Variants in ANK2 observed in about 807,000 individuals in gnomAD.
ANK2 encodes ankyrin 2.
ANK2 carries 83 observed loss-of-function variants against 360.5 expected under a neutral mutation model. That is an observed-to-expected ratio of 0.23 (90% CI 0.19 to 0.28). The LOEUF is 0.28. Ranked by LOEUF, ANK2 falls within the 10% of genes least tolerant of loss-of-function variation. ANK2 has a pLI of 1.00. For missense variants in ANK2, 4,201 were observed against 4,795.7 expected (o/e 0.88, Z 3.66); for synonymous variants, 1,740 against 1,759.5 (o/e 0.99, Z 0.28).
chr4:113,250,490 A>G (rs1224188079), intron 10 of ANK2, among the ~76,000 whole-genome samples: 3 of 152,200 alleles, frequency 2.0e-5, no homozygotes, highest in East Asian at 1.9e-4. Flanking sequence ...GCACTTTTCC[A>G]TATACATGAG....
intron 5 of ANK2, among the ~76,000 whole-genome samples, chr4:113,234,404 T>A (rs1036421519): frequency 2.0e-5 from 3 of 152,232 alleles, no homozygotes; most frequent in Non-Finnish European, 4.4e-5. Context: ...TAGACAATCA[T>A]TTAAATAATT....
chr4:112,982,529 C>A (rs2043414997), intron 2 of ANK2, among the ~76,000 whole-genome samples: 1 of 152,104 alleles, frequency 6.6e-6, no homozygotes, highest in Admixed American at 6.5e-5. Flanking sequence ...TGAGTTGATA[C>A]AAGAAATTTA....
intron 4 of ANK2, among the ~76,000 whole-genome samples, chr4:113,223,998 TCCATAGGCTGC>T (rs2099184596): frequency 6.6e-6 from 1 of 152,142 alleles, no homozygotes; most frequent in Admixed American, 6.5e-5. Flanking sequence ...TGTGAGTCCT[TCCATAGGCTGC>T]CTCAGTGTCA....
intron 2 of ANK2, among the ~76,000 whole-genome samples, chr4:112,917,416 A>C (rs1384522460): frequency 1.3e-5 from 2 of 152,170 alleles, no homozygotes; most frequent in African/African-American, 4.8e-5. Context: ...TCCACCACCA[A>C]CACTGCCATG....
intron 2 of ANK2, among the ~76,000 whole-genome samples, chr4:112,985,410 C>T (rs2044502439): frequency 6.6e-6 from 1 of 152,186 alleles, no homozygotes; most frequent in Non-Finnish European, 1.5e-5. Context: ...GAAAAATAGG[C>T]AATGAGAGCA....
chr4:113,083,344 T>G (rs557789517), intron 1 of ANK2, among the ~76,000 whole-genome samples: 1 of 152,290 alleles, frequency 6.6e-6, no homozygotes, highest in East Asian at 1.9e-4. Context: ...CATGCCTGGC[T>G]AATTTTTAAA....
intron 1 of ANK2, chr4:112,827,388 T>A (rs751135910): frequency 5.8e-6 from 8 of 1,375,392 alleles, no homozygotes; most frequent in Non-Finnish European, 8.3e-6. Flanking sequence ...ATCTCACAGC[T>A]CTTGCAGCTA....
In ANK2 at chr4:113,237,169, C is replaced by G. The variant is rs1279493742; in HGVS notation, c.666C>G (p.Ser222=). 1 of 1,613,372 alleles carries G rather than the reference C, an allele frequency of 6.2e-7. No individual in the cohort carries two copies. The highest frequency in any genetic ancestry group is 2.2e-5 in the East Asian group (1 of 44,888). The change falls in exon 6 of 46, where the codon TCC becomes TCG. Residue 222 remains serine (S), a synonymous_variant. Transcript: ENST00000357077. ...LQNDHNADVQ[S]KMMVNRTTES... Reference sequence around the variant, plus strand: ...ATGACCACAATGCTGACGTACAATCCAAGGTACTTAAAGCTGAACACATTT... The same window carrying G: ...ATGACCACAATGCTGACGTACAATCGAAGGTACTTAAAGCTGAACACATTT...
intron 1 of ANK2, among the ~76,000 whole-genome samples, chr4:113,169,183 AATC>A (rs1382868266): frequency 6.6e-6 from 1 of 152,200 alleles, no homozygotes; most frequent in Non-Finnish European, 1.5e-5. Flanking sequence ...AGCATGCTCA[AATC>A]ATCATATTTT....
chr4:112,944,206 C>T (rs2094416010), intron 2 of ANK2, among the ~76,000 whole-genome samples: 1 of 152,132 alleles, frequency 6.6e-6, no homozygotes, highest in African/African-American at 2.4e-5. Context: ...TGGCTTTTTC[C>T]TAAGTCATAA....
intron 1 of ANK2, among the ~76,000 whole-genome samples, chr4:113,147,931 TCA>T (rs1469756512): frequency 2.6e-5 from 4 of 152,244 alleles, no homozygotes; most frequent in Non-Finnish European, 5.9e-5. Flanking sequence ...AAATTTTTAA[TCA>T]CAGAGGGGAA....
intron 26 of ANK2, among the ~76,000 whole-genome samples, chr4:113,320,497 C>T (rs2085490389): frequency 6.6e-6 from 1 of 151,908 alleles, no homozygotes; most frequent in Non-Finnish European, 1.5e-5. Flanking sequence ...ACTAAAAATA[C>T]AAAAATTAGC....
intron 2 of ANK2, among the ~76,000 whole-genome samples, chr4:112,925,854 A>G (rs1311741899): frequency 6.6e-6 from 1 of 152,198 alleles, no homozygotes; most frequent in Admixed American, 6.5e-5. Context: ...CAGCAAAGGG[A>G]GAAAGCTTTA....
At chr4:112,964,052 TA>T (rs1203937160) in intron 2 of ANK2, among the ~76,000 whole-genome samples, 5 of 150,974 alleles carry the variant, frequency 3.3e-5, no homozygotes, top group Admixed American at 3.3e-4. Flanking sequence ...ACCACCCTAT[TA>T]TTTCCAGATG....
intron 1 of ANK2, among the ~76,000 whole-genome samples, chr4:113,147,319 C>G (rs2096872581): frequency 6.6e-6 from 1 of 152,194 alleles, no homozygotes; most frequent in Non-Finnish European, 1.5e-5. Flanking sequence ...GAGAGCCGCT[C>G]TGGACTTCTC....
the ANK2 span, among the ~76,000 whole-genome samples, chr4:112,771,788 C>T: frequency 6.6e-6 from 1 of 152,028 alleles, no homozygotes; most frequent in African/African-American, 2.4e-5. Context: ...AGTTTCACTG[C>T]GTTAGCCAGG....
intron 4 of ANK2, among the ~76,000 whole-genome samples, chr4:113,204,106 C>T (rs2098904132): frequency 6.6e-6 from 1 of 152,020 alleles, no homozygotes; most frequent in African/African-American, 2.4e-5. Flanking sequence ...TTTTAGTTCT[C>T]ATATAAGAGA....
chr4:113,148,218 G>A (rs565136738), intron 1 of ANK2, among the ~76,000 whole-genome samples: 1 of 152,204 alleles, frequency 6.6e-6, no homozygotes, highest in African/African-American at 2.4e-5. Flanking sequence ...GTATTTTTGT[G>A]ATGATATCAT....
chr4:112,910,350 T>C (rs1312585840), intron 2 of ANK2, among the ~76,000 whole-genome samples: 1 of 152,144 alleles, frequency 6.6e-6, no homozygotes, highest in Non-Finnish European at 1.5e-5. Context: ...GCAAATCTTA[T>C]AGGAAGGACC....
Sources: gnomAD v4.1 joint callset for allele counts (sites outside exome capture counted in the v4.1 genomes callset) on GRCh38, gnomAD v4.1.1 for gene constraint, MANE v1.5 for transcripts, NCBI Gene and HGNC (gene_info 2026-07-23, HGNC 2026-07-21) for gene names.